ZNF469: variants seen among roughly 807,000 people sequenced by gnomAD.
ZNF469 encodes the protein zinc finger protein 469.
In ZNF469, 1 loss-of-function variant was observed where a neutral mutation model predicts 1.0. That is an observed-to-expected ratio of 1.00 (90% CI 0.35 to 4.73). The LOEUF (loss-of-function observed/expected upper bound fraction) is 4.73. Ranked by LOEUF, ZNF469 falls within the 30% of genes most tolerant of loss-of-function variation. The pLI is 0.16. For synonymous variants in ZNF469, 2,703 were observed against 2,363.4 expected, an observed-to-expected ratio of 1.14 and a Z score of -4.17; for missense variants, 6,100 against 5,356.3, an observed-to-expected ratio of 1.14 and a Z score of -4.33.
chr16:88,182,322 T>G, the ZNF469 span, among the ~76,000 whole-genome samples: 11 of 151,916 alleles, frequency 7.2e-5, no homozygotes, highest in Admixed American at 6.6e-5. Context: ...ATAGATCCAA[T>G]GGAATCACAA....
At chr16:88,421,737 G>A (rs1905464899) in intron 1 of ZNF469, among the ~76,000 whole-genome samples, 1 of 152,278 alleles carries the variant, frequency 6.6e-6, no homozygotes, top group African/African-American at 2.4e-5. Context: ...GTTCAGCGCG[G>A]AAGAAGCACA....
intron 1 of ZNF469, among the ~76,000 whole-genome samples, chr16:88,397,655 G>GAGATAGATGATTGAT (rs1555516248): frequency 9.6e-5 from 13 of 134,766 alleles, no homozygotes; most frequent in East Asian, 9.1e-4. Context: ...ATATAAATAA[G>GAGATAGATGATTGAT]AGATAGATAG....
the ZNF469 span, among the ~76,000 whole-genome samples, chr16:88,211,334 C>T: frequency 2.0e-3 from 308 of 152,292 alleles, 2 homozygotes; most frequent in Admixed American, 0.02. Flanking sequence ...GGGAGGTGAT[C>T]GTCTACAAGG....
the ZNF469 span, among the ~76,000 whole-genome samples, chr16:88,208,137 CCAT>C: frequency 6.6e-6 from 1 of 151,860 alleles, no homozygotes; most frequent in Non-Finnish European, 1.5e-5. Context: ...TAATCCATTG[CCAT>C]CATCATGTGT....
chr16:88,173,647 G>A, the ZNF469 span, among the ~76,000 whole-genome samples: 3 of 152,130 alleles, frequency 2.0e-5, no homozygotes, highest in Admixed American at 1.3e-4. Context: ...TTATTTTGGG[G>A]TTTATAGTAT....
chr16:88,307,371 C>A, the ZNF469 span, among the ~76,000 whole-genome samples: 1 of 152,214 alleles, frequency 6.6e-6, no homozygotes, highest in African/African-American at 2.4e-5. Flanking sequence ...AGCAGCATTG[C>A]TGGTCGTACA....
chr16:88,101,284 T>G, the ZNF469 span, among the ~76,000 whole-genome samples: 5 of 152,186 alleles, frequency 3.3e-5, no homozygotes, highest in South Asian at 2.1e-4. Flanking sequence ...TGCTTTCCAG[T>G]TGATGATAGG....
At chr16:88,230,559 TG>T in the ZNF469 span, among the ~76,000 whole-genome samples, 1 of 141,068 alleles carries the variant, frequency 7.1e-6, no homozygotes, top group East Asian at 2.1e-4. Flanking sequence ...TTATGAGGGC[TG>T]ATGAGCAGGT....
chr16:88,355,289 A>G, the ZNF469 span, among the ~76,000 whole-genome samples: 1 of 152,164 alleles, frequency 6.6e-6, no homozygotes, highest in Admixed American at 6.5e-5. Flanking sequence ...CAGCAGCATG[A>G]CCTCAAACAG....
Position 88,437,110 on chromosome 16 carries a change from C to G in ZNF469, c.9640C>G (p.Leu3214Val), listed in dbSNP as rs766019888. The G allele has an allele frequency of 2.6e-6, 4 of 1,547,340 alleles. No individual in the cohort carries two copies. The South Asian group carries it at 4.8e-5, about 18-fold the overall frequency. ...GCAGGCGCGGAGGTCCTTGGGGGACCTGCCCGGAGGCCTGGAGGGCAGCAG... is the reference window on the plus strand; with the variant it reads ...GCAGGCGCGGAGGTCCTTGGGGGACGTGCCCGGAGGCCTGGAGGGCAGCAG... The part of the protein sequence containing the change: ...RGQARRSLGD[L>V]PGGLEGSSAV... Residue 3214 changes from leucine to valine, a missense_variant, in exon 3 of 3, where the codon CTG becomes GTG. Leu to Val is a conservative substitution (Grantham distance 32, BLOSUM62 1). Transcript: ENST00000565624.
At chr16:88,201,280 G>A in the ZNF469 span, among the ~76,000 whole-genome samples, 76 of 152,338 alleles carry the variant, frequency 5.0e-4, no homozygotes, top group Admixed American at 1.2e-3. This position sits in a 1 kb window ranked among gnomAD's most constrained non-coding sequence, Gnocchi z 5.0. Context: ...TTGGCCGGGT[G>A]CAGTGGCTCA....
Position 88,427,461 on chromosome 16 carries a change from C to A in ZNF469, c.-10C>A, listed in dbSNP as rs894917949. 1.0e-5 allele frequency: 15 copies of A among 1,493,852 alleles called. No homozygotes were observed. Among genetic ancestry groups the A allele is most frequent in the Non-Finnish European group, 1.3e-5 (15 of 1,123,696 alleles). 92.5% of individuals were successfully genotyped at this position (1,493,852 alleles called of 1,614,324 possible). A position where few individuals can be genotyped will look rare whatever the true frequency, so the allele number is the denominator to read the frequency against. On this transcript the variant is annotated 5_prime_UTR_variant, in exon 3 of 3. Transcript: ENST00000565624. The stretch of plus-strand genomic sequence containing the variant: ...CAGCTGCGTCGTCCTAGCGCCAGGA[C>A]GGAGGGGCCATGCCTGGGGAGCGCC...
the ZNF469 span, among the ~76,000 whole-genome samples, chr16:88,211,034 A>G: frequency 8.5e-5 from 13 of 152,234 alleles, no homozygotes; most frequent in African/African-American, 3.1e-4. Context: ...TTGGCCAGGA[A>G]CAGGAGATGC....
chr16:88,398,071 A>G lies in ZNF469; in HGVS notation c.-192+14817A>G, dbSNP rs541807601. Among the ~76,000 whole-genome samples the G allele has an allele frequency of 2.4e-4, 37 of 152,356 alleles. 3 individuals are homozygous for G. The South Asian group carries it at 7.0e-3, about 29-fold the overall frequency. On this transcript the variant is annotated intron_variant, in intron 1 of 2. Transcript: ENST00000565624. ...GGCCAGGTCAGAGAAAGCAAAACAA[A>G]GCCCCAGAAAGTGCTGGAGGAGGTG...
At chr16:88,250,130 C>T in the ZNF469 span, among the ~76,000 whole-genome samples, 3 of 152,210 alleles carry the variant, frequency 2.0e-5, no homozygotes, top group African/African-American at 7.2e-5. Flanking sequence ...AGCGTTTTCA[C>T]AAAACAAAGC....
chr16:88,215,642 G>A, the ZNF469 span, among the ~76,000 whole-genome samples: 1 of 151,496 alleles, frequency 6.6e-6, no homozygotes, highest in Non-Finnish European at 1.5e-5. Flanking sequence ...TGCCCACCTC[G>A]GCCTCCCAAA....
the ZNF469 span, among the ~76,000 whole-genome samples, chr16:88,289,289 TGATGATGGTGATGAG>T: frequency 2.0e-5 from 3 of 149,670 alleles, no homozygotes; most frequent in Admixed American, 2.0e-4. Flanking sequence ...GTGATGGTGA[TGATGATGGTGATGAG>T]GATGATGGTG....
At chr16:88,273,559 G>A in the ZNF469 span, among the ~76,000 whole-genome samples, 21 of 152,226 alleles carry the variant, frequency 1.4e-4, no homozygotes, top group African/African-American at 5.1e-4. Flanking sequence ...TGGTGGGAAT[G>A]TAAATGGCAC....
chr16:88,109,142 C>T, the ZNF469 span, among the ~76,000 whole-genome samples: 3 of 152,212 alleles, frequency 2.0e-5, no homozygotes, highest in African/African-American at 7.2e-5. Flanking sequence ...CGTGTCACCC[C>T]ACGTAATGCC....
Sources: allele counts gnomAD v4.1 joint callset (sites outside exome capture counted in the v4.1 genomes callset), GRCh38; gene constraint gnomAD v4.1.1; non-coding constraint Gnocchi (gnomAD v3.1); transcripts MANE v1.5; gene names NCBI Gene and HGNC (gene_info 2026-07-23, HGNC 2026-07-21).